Variants in KIAA1549L observed in about 807,000 individuals in gnomAD.
The protein encoded by KIAA1549L is KIAA1549 like.
KIAA1549L carries 88 observed loss-of-function variants against 160.7 expected under a neutral mutation model. The ratio of observed to expected loss-of-function variants is 0.55; its 90% CI spans 0.46 to 0.65. The LOEUF (loss-of-function observed/expected upper bound fraction) is 0.65, where lower values mean the gene tolerates loss of function less well. KIAA1549L is among the 30% of genes least tolerant of loss of function. The pLI is 0.00. For missense variants in KIAA1549L, 2,258 were observed against 2,437.5 expected, an observed-to-expected ratio of 0.93 and a Z score of 1.55; for synonymous variants, 950 against 976.7, an observed-to-expected ratio of 0.97 and a Z score of 0.51.
intron 1 of KIAA1549L, among the ~76,000 whole-genome samples, chr11:33,438,521 G>A (rs1851425824): frequency 1.3e-5 from 2 of 150,432 alleles, no homozygotes; most frequent in South Asian, 4.3e-4. Flanking sequence ...CTTTCAGCAG[G>A]GGCCCTGAAT....
At chr11:33,663,577 C>G (rs1852337495) in intron 20 of KIAA1549L, among the ~76,000 whole-genome samples, 2 of 152,202 alleles carry the variant, frequency 1.3e-5, no homozygotes, top group South Asian at 4.1e-4. Flanking sequence ...TGAGGGGTCT[C>G]AGGAGTTGGA....
intron 1 of KIAA1549L, among the ~76,000 whole-genome samples, chr11:33,430,395 T>G (rs374165374): frequency 6.7e-4 from 102 of 152,256 alleles, no homozygotes; most frequent in African/African-American, 2.4e-3. Context: ...ATCTGAGTCT[T>G]TTTCCTTTGA....
rs1852554440 is a variant in KIAA1549L at position 33,668,267 on chromosome 11, C to CA, written c.*113_*114insA. ...TAGCAATGGGTGAGTCTTTCTCACC[C>CA]TCCATTTCTGAAAAGGTGAACTATG... On this transcript the variant is annotated 3_prime_UTR_variant, in exon 21 of 21. Transcript: ENST00000658780. 1.2e-5 allele frequency: 12 copies of CA among 989,384 alleles called. No homozygotes were observed. The highest frequency in any genetic ancestry group is 2.6e-5 in the Admixed American group (1 of 37,854). The allele number at this position is 989,384 out of a possible 1,614,324, so 61.3% of individuals were successfully genotyped here.
intron 16 of KIAA1549L, among the ~76,000 whole-genome samples, chr11:33,644,035 T>G (rs1941236890): frequency 1.3e-5 from 2 of 152,232 alleles, no homozygotes; most frequent in African/African-American, 4.8e-5. Flanking sequence ...GCATGAAATG[T>G]CTTTGAGTTC....
At chr11:33,619,508 TATACC>T (rs1436324016) in intron 16 of KIAA1549L, among the ~76,000 whole-genome samples, 1 of 152,246 alleles carries the variant, frequency 6.6e-6, no homozygotes, top group African/African-American at 2.4e-5. Context: ...GTTTTTAAAA[TATACC>T]ATGCTAATTG....
At chr11:33,390,566 C>T (rs1264654071) in intron 1 of KIAA1549L, among the ~76,000 whole-genome samples, 1 of 152,170 alleles carries the variant, frequency 6.6e-6, no homozygotes, top group African/African-American at 2.4e-5. Context: ...AGGGAAACTA[C>T]CTCTCATCCA....
chr11:33,499,522 T>C (rs1852895723), intron 1 of KIAA1549L, among the ~76,000 whole-genome samples: 1 of 152,208 alleles, frequency 6.6e-6, no homozygotes, highest in Non-Finnish European at 1.5e-5. Context: ...AGGTGTTCAA[T>C]ATTAGTTGTT....
chr11:33,458,986 T>C (rs1390198181), intron 1 of KIAA1549L, among the ~76,000 whole-genome samples: 1 of 152,144 alleles, frequency 6.6e-6, no homozygotes, highest in African/African-American at 2.4e-5. Context: ...GATGGGGAGT[T>C]TCAAGCTTTT....
chr11:33,614,003 C>A (rs1850714207), intron 15 of KIAA1549L, among the ~76,000 whole-genome samples: 1 of 152,164 alleles, frequency 6.6e-6, no homozygotes, highest in African/African-American at 2.4e-5. Context: ...CTACTTGCTA[C>A]AGGCATCTGT....
chr11:33,545,380 T>A lies in KIAA1549L; in HGVS notation c.3385+2T>A. 1 of 1,602,778 alleles carries A rather than the reference T, an allele frequency of 6.2e-7. No individual in the cohort carries two copies. On this transcript the variant is annotated splice_donor_variant, in intron 3 of 20. Coordinates refer to ENST00000658780, the MANE Select transcript of KIAA1549L (RefSeq NM_012194.3). LOFTEE classifies it high-confidence loss of function. ...CCAGTAAGCTCCTGGTGAAGACAGG[T>A]ATGAGACCACTGTTCTGATCTGAAA...
intron 1 of KIAA1549L, among the ~76,000 whole-genome samples, chr11:33,432,716 G>A (rs979268466): frequency 5.3e-5 from 8 of 152,126 alleles, no homozygotes; most frequent in African/African-American, 1.7e-4. Context: ...AAACAGCATG[G>A]TACTGGTACC....
At chr11:33,657,264 T>C (rs566942204) in intron 18 of KIAA1549L, among the ~76,000 whole-genome samples, 9 of 152,104 alleles carry the variant, frequency 5.9e-5, no homozygotes, top group African/African-American at 1.7e-4. Flanking sequence ...GAGTCCTGGA[T>C]TGGAGGGGCC....
chr11:33,654,210 G>C (rs909762439), intron 17 of KIAA1549L, among the ~76,000 whole-genome samples: 1 of 151,590 alleles, frequency 6.6e-6, no homozygotes, highest in Non-Finnish European at 1.5e-5. Flanking sequence ...CTGACATCGT[G>C]ATCTGCCCGC....
At chr11:33,472,965 G>GT (rs1200677365) in intron 1 of KIAA1549L, among the ~76,000 whole-genome samples, 1 of 152,160 alleles carries the variant, frequency 6.6e-6, no homozygotes, top group Non-Finnish European at 1.5e-5. Context: ...AGGAACATGA[G>GT]TAGGGGCTGC....
intron 1 of KIAA1549L, among the ~76,000 whole-genome samples, chr11:33,429,861 T>A (rs1277510953): frequency 6.6e-6 from 1 of 152,192 alleles, no homozygotes; most frequent in African/African-American, 2.4e-5. Context: ...AAATCACTGA[T>A]TTGTGAGTGG....
intron 1 of KIAA1549L, chr11:33,403,360 CAG>C (rs1491272769): frequency 1.0e-4 from 6 of 58,540 alleles, no homozygotes; most frequent in East Asian, 4.9e-4. Context: ...CAGACACACA[CAG>C]ACACATGCAG....
chr11:33,583,236 C>T (rs1311583530), intron 10 of KIAA1549L, 102 bp from the exon 11 acceptor site: 2 of 1,142,666 alleles, frequency 1.8e-6, no homozygotes, highest in Non-Finnish European at 2.5e-6. Flanking sequence ...CTCCCACGTC[C>T]TTCTGTCCAG....
chr11:33,607,592 C>G (rs1168784479), intron 14 of KIAA1549L, among the ~76,000 whole-genome samples: 3 of 152,200 alleles, frequency 2.0e-5, no homozygotes, highest in Admixed American at 6.5e-5. Flanking sequence ...CACACACAAG[C>G]TCTTAATTTT....
At chr11:33,496,998 A>G (rs1185122269) in intron 1 of KIAA1549L, among the ~76,000 whole-genome samples, 1 of 152,116 alleles carries the variant, frequency 6.6e-6, no homozygotes, top group African/African-American at 2.4e-5. Context: ...CTTTCTGCCT[A>G]GAATCTCTTC....
Sources: gnomAD v4.1 joint callset for allele counts (sites outside exome capture counted in the v4.1 genomes callset) on GRCh38, gnomAD v4.1.1 for gene constraint, MANE v1.5 for transcripts, NCBI Gene and HGNC (gene_info 2026-07-23, HGNC 2026-07-21) for gene names.